Variants in ERICH6B observed in about 807,000 individuals in gnomAD.
ERICH6B encodes the protein glutamate rich 6B.
ERICH6B carries 69 observed loss-of-function variants against 80.0 expected under a neutral mutation model. That is an observed-to-expected ratio of 0.86 (90% CI 0.71 to 1.05). ERICH6B has a LOEUF of 1.05. Ranked by LOEUF, ERICH6B falls within the 50% of genes least tolerant of loss-of-function variation. The probability of loss-of-function intolerance (pLI) is 0.00; values close to 1 mark genes in which losing one functional copy is unlikely to be tolerated. For synonymous variants in ERICH6B, 283 were observed against 291.9 expected (o/e 0.97, Z 0.31); for missense variants, 754 against 796.1 (o/e 0.95, Z 0.64).
intron 7 of ERICH6B, 24 bp downstream of exon 7, chr13:45,579,909 G>A (rs1317086973): frequency 3.9e-6 from 6 of 1,551,174 alleles, no homozygotes; most frequent in Non-Finnish European, 5.2e-6. Flanking sequence ...AGGGATCTTT[G>A]GATGCATTAT....
At chr13:45,564,614 C>A (rs1369136152) in intron 9 of ERICH6B, among the ~76,000 whole-genome samples, 7 of 152,206 alleles carry the variant, frequency 4.6e-5, no homozygotes, top group Admixed American at 4.6e-4. Context: ...AGCAATGGTT[C>A]CCTTATTCGT....
At chr13:45,560,414 C>G (rs888340751) in intron 11 of ERICH6B, among the ~76,000 whole-genome samples, 12 of 152,318 alleles carry the variant, frequency 7.9e-5, no homozygotes, top group Admixed American at 4.6e-4. Context: ...AACACCCCCC[C>G]ACCTGAGAGT....
intron 7 of ERICH6B, 106 bp from the exon 8 acceptor site, chr13:45,575,036 C>G: frequency 1.4e-6 from 1 of 739,730 alleles, no homozygotes; most frequent in South Asian, 1.8e-5. Context: ...TTTACCTTTG[C>G]CCTTCCAAAA....
intron 1 of ERICH6B, among the ~76,000 whole-genome samples, chr13:45,611,054 T>G (rs1949897003): frequency 6.6e-6 from 1 of 152,136 alleles, no homozygotes; most frequent in Admixed American, 6.5e-5. Context: ...TGAAGCAATT[T>G]CATCATATCA....
At chr13:45,597,923 C>T in intron 2 of ERICH6B, among the ~76,000 whole-genome samples, 1 of 152,172 alleles carries the variant, frequency 6.6e-6, no homozygotes, top group East Asian at 1.9e-4. Flanking sequence ...CATCTCTAGA[C>T]TGAATTACTG....
At chr13:45,564,007 C>T (rs1593781809) in intron 9 of ERICH6B, among the ~76,000 whole-genome samples, 2 of 152,258 alleles carry the variant, frequency 1.3e-5, no homozygotes, top group South Asian at 2.1e-4. Flanking sequence ...ATGGTCTGAC[C>T]CACAACCAGG....
chr13:45,583,579 T>C (rs562787400), intron 5 of ERICH6B, among the ~76,000 whole-genome samples: 39 of 152,328 alleles, frequency 2.6e-4, no homozygotes, highest in Admixed American at 7.2e-4. Context: ...CCTACCCAAA[T>C]CTCATCTTGA....
intron 14 of ERICH6B, among the ~76,000 whole-genome samples, chr13:45,543,962 T>C (rs1873888498): frequency 6.6e-6 from 1 of 152,204 alleles, no homozygotes; most frequent in Non-Finnish European, 1.5e-5. Flanking sequence ...CATCTGTGTT[T>C]TATTGTCAGG....
intron 11 of ERICH6B, among the ~76,000 whole-genome samples, chr13:45,556,909 A>G (rs1390910209): frequency 2.0e-5 from 3 of 152,140 alleles, no homozygotes; most frequent in Non-Finnish European, 4.4e-5. Context: ...GGGTGCAAGT[A>G]TATCCATTTT....
chr13:45,550,962 G>A (rs996242632), intron 11 of ERICH6B, among the ~76,000 whole-genome samples: 1 of 152,154 alleles, frequency 6.6e-6, no homozygotes, highest in Non-Finnish European at 1.5e-5. Flanking sequence ...TTAGAACTCC[G>A]ACATGTCTCT....
rs1258991353 is a variant in ERICH6B at position 45,596,445 on chromosome 13, A to G, written c.561T>C (p.Asn187=). The G allele has an allele frequency of 6.4e-7, 1 of 1,551,410 alleles. No individual in the cohort carries two copies. Among genetic ancestry groups the G allele is most frequent in the Admixed American group, 2.0e-5 (1 of 50,960 alleles). ...TCTCCAGAGCTTCTTCCTCCTCCAG[A>G]TTCTCTTCCTTCTCCAGAGCCTTTT... The part of the protein sequence containing the change: ...EEEKALEKEE[N]LEEEEALEKE... The change falls in exon 3 of 15, where the codon AAT becomes AAC. Residue 187 remains asparagine (N), a synonymous_variant. Coordinates refer to ENST00000298738, the MANE Select transcript of ERICH6B (RefSeq NM_182542.3).
chr13:45,598,229 A>C (rs1876483182), intron 2 of ERICH6B, among the ~76,000 whole-genome samples: 1 of 152,046 alleles, frequency 6.6e-6, no homozygotes, highest in East Asian at 1.9e-4. Flanking sequence ...CATTAGGTGT[A>C]AATGTCTCAA....
At chr13:45,567,259 C>G (rs182484369) in intron 9 of ERICH6B, among the ~76,000 whole-genome samples, 1 of 152,206 alleles carries the variant, frequency 6.6e-6, no homozygotes, top group Non-Finnish European at 1.5e-5. Context: ...AGACTTCGGA[C>G]TGTAAACTTT....
chr13:45,602,144 G>A (rs1162421677), intron 2 of ERICH6B, among the ~76,000 whole-genome samples: 8 of 152,272 alleles, frequency 5.3e-5, no homozygotes, highest in Admixed American at 1.3e-4. Flanking sequence ...ATTGGGGTCC[G>A]TCTGTCCTTC....
intron 8 of ERICH6B, among the ~76,000 whole-genome samples, chr13:45,573,536 T>G (rs1875261388): frequency 6.6e-6 from 1 of 152,188 alleles, no homozygotes; most frequent in Non-Finnish European, 1.5e-5. Context: ...CTAGACAATT[T>G]AGGTAGTTTG....
chr13:45,592,353 G>T (rs1003215840), intron 3 of ERICH6B, among the ~76,000 whole-genome samples: 2 of 152,228 alleles, frequency 1.3e-5, no homozygotes, highest in African/African-American at 4.8e-5. Flanking sequence ...GGTCACAGAG[G>T]TGAACTTCCT....
At chr13:45,544,683 G>T in intron 14 of ERICH6B, 77 bp downstream of exon 14, 1 of 1,282,412 alleles carries the variant, frequency 7.8e-7, no homozygotes, top group Non-Finnish European at 1.1e-6. Flanking sequence ...TGTGGCATGG[G>T]CCAGTCCAAG....
At chr13:45,590,158 CCA>C (rs1876098956) in intron 4 of ERICH6B, among the ~76,000 whole-genome samples, 1 of 151,718 alleles carries the variant, frequency 6.6e-6, no homozygotes, top group East Asian at 1.9e-4. Context: ...CCAGCATATT[CCA>C]CAGAGGCTCT....
At chr13:45,570,876 T>G (rs1265047350) in intron 8 of ERICH6B, among the ~76,000 whole-genome samples, 3 of 147,754 alleles carry the variant, frequency 2.0e-5, no homozygotes, top group Admixed American at 6.7e-5. Flanking sequence ...AGCTGCAGGT[T>G]CCATATGGCA....
Sources: gnomAD v4.1 joint callset for allele counts (sites outside exome capture counted in the v4.1 genomes callset) on GRCh38, gnomAD v4.1.1 for gene constraint, MANE v1.5 for transcripts, NCBI Gene and HGNC (gene_info 2026-07-23, HGNC 2026-07-21) for gene names.